The following DYRK1A variants were observed in gnomAD, a reference collection of about 807,000 sequenced individuals.
The protein encoded by DYRK1A is dual specificity tyrosine-phosphorylation-regulated kinase 1A.
A neutral mutation model predicts 79.7 loss-of-function variants in DYRK1A; 9 were observed. That is an observed-to-expected ratio of 0.11 (90% CI 0.07 to 0.20). DYRK1A has a LOEUF of 0.20. Among genes scored for constraint, DYRK1A ranks in the 10% least tolerant of loss-of-function variants. The probability of loss-of-function intolerance (pLI) is 1.00; values close to 1 mark genes in which losing one functional copy is unlikely to be tolerated. For missense variants in DYRK1A, 622 were observed against 956.0 expected (o/e 0.65, Z 4.61); for synonymous variants, 349 against 329.7 (o/e 1.06, Z -0.63).
In DYRK1A at chr21:37,404,265, TGTGGGCACCCTGTGGCCTAGGCAG is replaced by T. The variant is rs536488916; in HGVS notation, c.-76-16031_-76-16008del. ...ACCCAGAATAATGCTTGACCAAATG[TGTGGGCACCCTGTGGCCTAGGCAG>T]GTTGACACATAAAGTTAACTATCAC... On this transcript the variant is annotated intron_variant, in intron 1 of 11. Transcript: ENST00000647188. Among the ~76,000 whole-genome samples, 27 of 152,296 alleles carry T rather than the reference TGTGGGCACCCTGTGGCCTAGGCAG, an allele frequency of 1.8e-4. No homozygotes were observed. In the South Asian group the frequency reaches 5.6e-3, roughly 32 times the overall value.
chr21:37,393,872 C>A (rs2049913471), intron 1 of DYRK1A, among the ~76,000 whole-genome samples: 1 of 152,224 alleles, frequency 6.6e-6, no homozygotes, highest in Non-Finnish European at 1.5e-5. Flanking sequence ...CACACTTGGG[C>A]TTTCTCACAG....
chr21:37,496,192 A>C lies in DYRK1A; in HGVS notation c.1146A>C (p.Ala382=), dbSNP rs1017990155. 6.2e-7 allele frequency: 1 copy of C among 1,614,142 alleles called. No individual in the cohort carries two copies. Among genetic ancestry groups the C allele is most frequent in the Non-Finnish European group, 8.5e-7 (1 of 1,180,000 alleles). ...ATATTCTTGACCAAGCACCAAAAGC[A>C]AGAAAGTTCTTTGAGAAGTTGCCAG... The part of the protein sequence containing the change: ...PAHILDQAPK[A]RKFFEKLPDG... The change falls in exon 9 of 12, where the codon GCA becomes GCC. Residue 382 remains alanine, a synonymous_variant. Transcript: ENST00000647188.
In DYRK1A at chr21:37,515,115, A is replaced by G. The variant is rs909290080; in HGVS notation, c.*2584A>G. The G allele has an allele frequency of 6.6e-6, 1 of 152,482 alleles. No homozygotes were observed. Among genetic ancestry groups the G allele is most frequent in the African/African-American group, 2.4e-5 (1 of 41,390 alleles). The allele number at this position is 152,482 out of a possible 1,614,324, so 9.4% of individuals were successfully genotyped here. A position where few individuals can be genotyped will look rare whatever the true frequency, so the allele number is the denominator to read the frequency against. ...TATTGTAACGTTAAATGAAAAAAGA[A>G]CCCCCCTTTGTATTATAGTCATGCG... On this transcript the variant is annotated 3_prime_UTR_variant, in exon 12 of 12. Coordinates refer to ENST00000647188, the MANE Select transcript of DYRK1A (RefSeq NM_001347721.2).
At chr21:37,415,577 A>AC (rs1238748721) in intron 1 of DYRK1A, 1 of 151,854 alleles carries the variant, frequency 6.6e-6, no homozygotes, top group Admixed American at 6.6e-5. Context: ...TGATCCTCCC[A>AC]CGTTAGCCTC....
chr21:37,516,650 T>C lies in DYRK1A; in HGVS notation c.*4119T>C, dbSNP rs1015500256. 2 of 152,224 alleles carry C rather than the reference T, an allele frequency of 1.3e-5. No homozygotes were observed. The highest frequency in any genetic ancestry group is 2.4e-5 in the African/African-American group (1 of 41,438). 9.4% of individuals were successfully genotyped at this position (152,224 alleles called of 1,614,324 possible). On this transcript the variant is annotated 3_prime_UTR_variant, in exon 12 of 12. Coordinates refer to ENST00000647188, the MANE Select transcript of DYRK1A (RefSeq NM_001347721.2). ...TGTTGAAGGCACTGGATGCTTGTTTTGTGGAAGACATGTTCATTGAGGTAA... is the reference window on the plus strand; with the variant it reads ...TGTTGAAGGCACTGGATGCTTGTTTCGTGGAAGACATGTTCATTGAGGTAA...
chr21:37,383,726 T>A (rs981653862), intron 1 of DYRK1A, among the ~76,000 whole-genome samples: 2 of 152,190 alleles, frequency 1.3e-5, no homozygotes, highest in Non-Finnish European at 2.9e-5. Flanking sequence ...TCACAGAGCT[T>A]ATGTTCCATT....
intron 2 of DYRK1A, among the ~76,000 whole-genome samples, chr21:37,445,265 A>G (rs1369566751): frequency 3.9e-5 from 6 of 152,242 alleles, no homozygotes. Flanking sequence ...AAAGCAGAAT[A>G]ATTCAACAAA....
intron 8 of DYRK1A, among the ~76,000 whole-genome samples, chr21:37,495,155 TGTG>T (rs2053226095): frequency 2.6e-3 from 11 of 4,208 alleles, no homozygotes; most frequent in African/African-American, 4.8e-3. Flanking sequence ...TGGGATTTTG[TGTG>T]TGTGTGTGTG....
intron 2 of DYRK1A, among the ~76,000 whole-genome samples, chr21:37,448,865 T>G (rs1320679726): frequency 6.6e-6 from 1 of 152,070 alleles, no homozygotes; most frequent in African/African-American, 2.4e-5. Flanking sequence ...CCTGGCTAAT[T>G]TAAAAATTTT....
At chr21:37,472,178 C>A (rs536800873) in intron 2 of DYRK1A, among the ~76,000 whole-genome samples, 20 of 152,264 alleles carry the variant, frequency 1.3e-4, no homozygotes, top group African/African-American at 4.1e-4. Flanking sequence ...GTTTTTATAT[C>A]CAACCTTTGA....
At chr21:37,509,525 C>T (rs183661064) in intron 11 of DYRK1A, among the ~76,000 whole-genome samples, 85 of 152,338 alleles carry the variant, frequency 5.6e-4, no homozygotes, top group African/African-American at 1.9e-3. Context: ...CAGCTCACTG[C>T]AGCCTTGAGC....
intron 2 of DYRK1A, among the ~76,000 whole-genome samples, chr21:37,457,101 G>T (rs967876404): frequency 6.6e-6 from 1 of 150,858 alleles, no homozygotes; most frequent in Non-Finnish European, 1.5e-5. Flanking sequence ...ACAGAATCTC[G>T]CTCTGTTGCT....
intron 2 of DYRK1A, among the ~76,000 whole-genome samples, chr21:37,445,559 A>G (rs1452656585): frequency 1.3e-5 from 2 of 152,296 alleles, no homozygotes; most frequent in African/African-American, 2.4e-5. Context: ...TTTGCTGGGA[A>G]GATCAGGGAT....
intron 2 of DYRK1A, among the ~76,000 whole-genome samples, chr21:37,466,071 A>G (rs1480094368): frequency 6.6e-6 from 1 of 152,228 alleles, no homozygotes; most frequent in Non-Finnish European, 1.5e-5. Context: ...CAAGTATTTC[A>G]GGAGGGTAGT....
intron 2 of DYRK1A, among the ~76,000 whole-genome samples, chr21:37,453,482 T>C (rs2051527871): frequency 6.6e-6 from 1 of 151,892 alleles, no homozygotes; most frequent in African/African-American, 2.4e-5. Flanking sequence ...CAGGAGCATA[T>C]TTTTATGTTT....
intron 1 of DYRK1A, among the ~76,000 whole-genome samples, chr21:37,370,251 T>C (rs758447516): frequency 2.7e-4 from 41 of 152,294 alleles, no homozygotes; most frequent in Admixed American, 9.1e-4. Context: ...CTACACGAAG[T>C]GTTAATTTGG....
chr21:37,460,541 G>A lies in DYRK1A; in HGVS notation c.11-12143G>A, dbSNP rs1218641830. On this transcript the variant is annotated intron_variant, in intron 2 of 11. Coordinates refer to ENST00000647188, the MANE Select transcript of DYRK1A (RefSeq NM_001347721.2). ...TTAAGTGGTTGGACTTGTCTAAAAA[G>A]GTTTAATTTCACCTCCAGACTTTGT... 2.0e-5 allele frequency among the ~76,000 whole-genome samples: 3 copies of A among 152,104 alleles called. No individual in the cohort carries two copies. In the East Asian group the frequency reaches 5.8e-4, roughly 29 times the overall value.
chr21:37,497,046 A>C (rs201550302), intron 9 of DYRK1A, among the ~76,000 whole-genome samples: 56 of 152,262 alleles, frequency 3.7e-4, no homozygotes, highest in East Asian at 3.7e-3. Context: ...TATGACCCCC[A>C]CACACACATG....
intron 1 of DYRK1A, among the ~76,000 whole-genome samples, chr21:37,396,283 C>A (rs912174248): frequency 6.6e-6 from 1 of 151,990 alleles, no homozygotes; most frequent in African/African-American, 2.4e-5. Flanking sequence ...ATATATTACC[C>A]TCTTTAAAGA....
Sources: allele counts gnomAD v4.1 joint callset (sites outside exome capture counted in the v4.1 genomes callset), GRCh38; gene constraint gnomAD v4.1.1; transcripts MANE v1.5; gene names NCBI Gene and HGNC (gene_info 2026-07-23, HGNC 2026-07-21).